Variants in MED1 observed in about 807,000 individuals in gnomAD.
The protein encoded by MED1 is mediator complex subunit 1, also known as mediator of RNA polymerase II transcription subunit 1.
In MED1, 17 loss-of-function variants were observed where a neutral mutation model predicts 121.3. That is an observed-to-expected ratio of 0.14 (90% CI 0.10 to 0.21). The LOEUF (loss-of-function observed/expected upper bound fraction) is 0.21, where lower values mean the gene tolerates loss of function less well. Ranked by LOEUF, MED1 falls within the 10% of genes least tolerant of loss-of-function variation. The pLI is 1.00. For synonymous variants in MED1, 661 were observed against 694.4 expected (o/e 0.95, Z 0.76); for missense variants, 1,558 against 1,919.4 (o/e 0.81, Z 3.52).
chr17:39,425,425 C>T (rs557989166), intron 10 of MED1, among the ~76,000 whole-genome samples: 64 of 152,132 alleles, frequency 4.2e-4, no homozygotes, highest in Non-Finnish European at 8.4e-4. Context: ...AACTCCTGGC[C>T]TAAAGTTGAT....
chr17:39,407,380 C>G lies in MED1; in HGVS notation c.*95G>C. ...TGCCATTTAGGATTCTTAACCAAATCAGACCTGTCTGACTCACCCCTTATG... is the reference window on the plus strand; with the variant it reads ...TGCCATTTAGGATTCTTAACCAAATGAGACCTGTCTGACTCACCCCTTATG... On this transcript the variant is annotated 3_prime_UTR_variant, in exon 17 of 17. Coordinates refer to ENST00000300651, the MANE Select transcript of MED1 (RefSeq NM_004774.4). 2.1e-6 allele frequency: 3 copies of G among 1,458,602 alleles called. No individual in the cohort carries two copies. Among genetic ancestry groups the G allele is most frequent in the South Asian group, 3.0e-5 (2 of 66,918 alleles). 90.4% of individuals were successfully genotyped at this position (1,458,602 alleles called of 1,614,324 possible).
intron 1 of MED1, among the ~76,000 whole-genome samples, chr17:39,450,624 T>C (rs1014163654): frequency 6.6e-6 from 1 of 152,204 alleles, no homozygotes; most frequent in Non-Finnish European, 1.5e-5. Flanking sequence ...ATCTGAACAC[T>C]TGACATTGTA....
At position 39,408,708 on chromosome 17, in the gene MED1, C is replaced by T; in HGVS notation, c.3513G>A (p.Lys1171=). The change falls in exon 17 of 17, where the codon AAG becomes AAA. Residue 1171 remains lysine, a synonymous_variant. Transcript: ENST00000300651. This position sits in a 1 kb window ranked among gnomAD's most constrained non-coding sequence, Gnocchi z 4.7. ...ATGATGGCTTTCCTTGAGGTTTCATCTTGGTGCTGCTAGAGCCACTGCTCA... is the reference window on the plus strand; with the variant it reads ...ATGATGGCTTTCCTTGAGGTTTCATTTTGGTGCTGCTAGAGCCACTGCTCA... ...HGLSSGSSST[K]MKPQGKPSSL... is the part of the protein sequence containing the mutation. The T allele has an allele frequency of 6.2e-7, 1 of 1,614,182 alleles. No individual in the cohort carries two copies. Among genetic ancestry groups the T allele is most frequent in the Non-Finnish European group, 8.5e-7 (1 of 1,180,024 alleles).
At position 39,419,823 on chromosome 17, in the gene MED1, G is replaced by A; in HGVS notation, c.1191C>T (p.Thr397=). 1 of 1,614,050 alleles carries A rather than the reference G, an allele frequency of 6.2e-7. No homozygotes were observed. The highest frequency in any genetic ancestry group is 1.6e-4 in the Middle Eastern group (1 of 6,062). ...SLQGTLVSKI[T]FQHPGRVPLI... Reference sequence around the variant, plus strand: ...GAGGAACTCGGCCAGGGTGCTGAAAGGTGATTTTGCTAACAAGGGTTCCCT... The same window carrying A: ...GAGGAACTCGGCCAGGGTGCTGAAAAGTGATTTTGCTAACAAGGGTTCCCT... The change falls in exon 14 of 17, where the codon ACC becomes ACT. Residue 397 remains threonine, a synonymous_variant. Coordinates refer to ENST00000300651, the MANE Select transcript of MED1 (RefSeq NM_004774.4).
rs942456875 is a variant in MED1, at chr17:39,405,899, G to C, written c.*1576C>G. 2 of 985,022 alleles carry C rather than the reference G, an allele frequency of 2.0e-6. No homozygotes were observed. Among genetic ancestry groups the C allele is most frequent in the African/African-American group, 3.5e-5 (2 of 57,094 alleles). 61.0% of individuals were successfully genotyped at this position (985,022 alleles called of 1,614,324 possible). ...CTCCACTTACGACATAACACACAAA[G>C]GAATCACCTGGCTTTTTTTTTTTAA... On this transcript the variant is annotated 3_prime_UTR_variant, in exon 17 of 17. Transcript: ENST00000300651.
Position 39,409,700 on chromosome 17 carries a change from G to C in MED1, c.2521C>G (p.Leu841Val). 1.2e-6 allele frequency: 2 copies of C among 1,614,142 alleles called. No individual in the cohort carries two copies. The highest frequency in any genetic ancestry group is 1.7e-6 in the Non-Finnish European group (2 of 1,180,044). ...GGGCTTCCAGCAGCATCTGCAATAA[G>C]ATCAGCTGGATCAGTGTATGGATTT... ...NENPYTDPAD[L>V]IADAAGSPSS... Residue 841 changes from leucine (L) to valine (V), a missense_variant, in exon 17 of 17, where the codon CTT (leucine) becomes GTT (valine). Around this residue, in one of 5 missense-constraint regions of MED1, gnomAD observed 793 missense variants for 898.2 expected, o/e 0.88. Coordinates refer to ENST00000300651, the MANE Select transcript of MED1 (RefSeq NM_004774.4).
Position 39,443,461 on chromosome 17 carries a change from C to A in MED1, c.211+89G>T, listed in dbSNP as rs542094590. The A allele has an allele frequency of 2.8e-4, 315 of 1,129,670 alleles. No homozygotes were observed. In the African/African-American group the frequency reaches 4.6e-3, roughly 16 times the overall value. The allele number at this position is 1,129,670 out of a possible 1,614,324, so 70.0% of individuals were successfully genotyped here. A position where few individuals can be genotyped will look rare whatever the true frequency, so the allele number is the denominator to read the frequency against. On this transcript the variant is annotated intron_variant, in intron 3 of 16. Transcript: ENST00000300651. ...TCTAATACATAAAGTTGACCTACCT[C>A]AATTTTTTACTTCTAGTTTAAGTAT...
At chr17:39,412,533 CTTTTTTTTTTT>C (rs1170139893) in intron 16 of MED1, among the ~76,000 whole-genome samples, 1 of 102,290 alleles carries the variant, frequency 9.8e-6, no homozygotes, top group South Asian at 3.2e-4. Flanking sequence ...GCAAATTTTT[CTTTTTTTTTTT>C]TTTTTTTTCT....
In MED1 at chr17:39,447,955, CCA is replaced by C. The variant is rs763778923; in HGVS notation, c.26-53_26-52del. 29 of 1,178,814 alleles carry C rather than the reference CCA, an allele frequency of 2.5e-5. No individual in the cohort carries two copies. In the East Asian group the frequency reaches 6.0e-4, roughly 24 times the overall value. The allele number at this position is 1,178,814 out of a possible 1,614,324, so 73.0% of individuals were successfully genotyped here. ...TCAGTAACTGTTCTATCAAGACCAT[CCA>C]CAGTTTTCCTTGCAAAATAAATTCC... On this transcript the variant is annotated intron_variant, in intron 1 of 16. Transcript: ENST00000300651.
At chr17:39,419,611 A>C (rs2048442409) in intron 14 of MED1, 106 bp downstream of exon 14, 7 of 1,169,658 alleles carry the variant, frequency 6.0e-6, no homozygotes, top group South Asian at 1.5e-5. Context: ...AAAAAAAAAA[A>C]ACTTTTTTTA....
At chr17:39,443,942 AAGAT>A (rs1217626092) in intron 2 of MED1, among the ~76,000 whole-genome samples, 1 of 152,220 alleles carries the variant, frequency 6.6e-6, no homozygotes, top group African/African-American at 2.4e-5. Context: ...CAGCCAAGGC[AAGAT>A]AGAGAGATCC....
chr17:39,409,388 C>T lies in MED1; in HGVS notation c.2833G>A (p.Asp945Asn), dbSNP rs1157048201. ...CTACCACTGTGATGCTCCATAAGAT[C>T]TGCAGGAGCTAAAGCTTTGCCGGCT... ...SVAGKALAPA[D>N]LMEHHSGSQG... Residue 945 changes from aspartate (D) to asparagine (N), a missense_variant, in exon 17 of 17, where the codon GAT becomes AAT. This residue lies in a region of MED1 where 793 missense variants were observed against 898.2 expected (regional missense o/e 0.88). Transcript: ENST00000300651. 6.2e-7 allele frequency: 1 copy of T among 1,614,110 alleles called. No individual in the cohort carries two copies. Among genetic ancestry groups the T allele is most frequent in the Non-Finnish European group, 8.5e-7 (1 of 1,180,016 alleles).
intron 9 of MED1, among the ~76,000 whole-genome samples, 184 bp downstream of exon 9, chr17:39,430,931 T>C (rs1380419968): frequency 6.7e-6 from 1 of 150,342 alleles, no homozygotes; most frequent in East Asian, 2.0e-4. Context: ...AGGCATGAGA[T>C]TCACTTGAGC....
Position 39,407,944 on chromosome 17 carries a change from G to A in MED1, c.4277C>T (p.Ala1426Val). The A allele has an allele frequency of 1.2e-6, 2 of 1,614,074 alleles. No homozygotes were observed. The highest frequency in any genetic ancestry group is 1.7e-6 in the Non-Finnish European group (2 of 1,180,034). Residue 1426 changes from alanine (A) to valine (V), a missense_variant, in exon 17 of 17, where the codon GCT becomes GTT. By Grantham distance (64) the Ala-to-Val change is moderately conservative. Transcript: ENST00000300651. ...SSGEGLRPQM[A>V]SSKNYGSPLI... ...TGGAGAGCCATAGTTTTTAGAAGAA[G>A]CCATTTGAGGCCTAAGCCCTTCTCC...
intron 2 of MED1, among the ~76,000 whole-genome samples, chr17:39,444,218 G>T (rs1220593460): frequency 1.3e-5 from 2 of 151,972 alleles, no homozygotes; most frequent in Non-Finnish European, 2.9e-5. Flanking sequence ...CTAAAAAACA[G>T]AACATATAGG....
chr17:39,438,467 C>G (rs2048641919), intron 6 of MED1, among the ~76,000 whole-genome samples: 1 of 151,616 alleles, frequency 6.6e-6, no homozygotes, highest in African/African-American at 2.4e-5. Flanking sequence ...CTCAGCCTCC[C>G]TAGTAGCTGG....
chr17:39,435,537 C>A (rs1302818847), intron 6 of MED1, among the ~76,000 whole-genome samples: 2 of 151,964 alleles, frequency 1.3e-5, no homozygotes, highest in African/African-American at 4.8e-5. Context: ...ATGTCAGACA[C>A]TTGAGCAGAC....
Position 39,409,433 on chromosome 17 carries a change from C to A in MED1, c.2788G>T (p.Asp930Tyr). 3 of 1,614,164 alleles carry A rather than the reference C, an allele frequency of 1.9e-6. No individual in the cohort carries two copies. Among genetic ancestry groups the A allele is most frequent in the Non-Finnish European group, 2.5e-6 (3 of 1,180,046 alleles). The change falls in exon 17 of 17, where the codon GAT (aspartate) becomes TAT (tyrosine). Residue 930 changes from aspartate to tyrosine, a missense_variant. Around this residue, in one of 5 missense-constraint regions of MED1, gnomAD observed 793 missense variants for 898.2 expected, o/e 0.88. Transcript: ENST00000300651. ...FKGNNQADTV[D>Y]FSIISVAGKA... is the part of the protein sequence containing the mutation. The stretch of plus-strand genomic sequence containing the variant: ...CCGGCTACTGAAATAATACTGAAAT[C>A]AACTGTGTCGGCTTGGTTATTGCCC...
chr17:39,434,832 C>A (rs1424261943), intron 6 of MED1, among the ~76,000 whole-genome samples: 2 of 151,946 alleles, frequency 1.3e-5, no homozygotes, highest in Non-Finnish European at 2.9e-5. Flanking sequence ...TGGATGTCAA[C>A]AAAAATAAAA....
Sources: gnomAD v4.1 joint callset for allele counts (sites outside exome capture counted in the v4.1 genomes callset) on GRCh38, gnomAD v4.1.1 for gene constraint, gnomAD v4.1.1 regional missense constraint, Gnocchi (gnomAD v3.1) non-coding constraint, MANE v1.5 for transcripts, NCBI Gene and HGNC (gene_info 2026-07-23, HGNC 2026-07-21) for gene names.